MAF: variants seen among roughly 807,000 people sequenced by gnomAD.
MAF encodes the protein MAF bZIP transcription factor.
Under a neutral mutation model 22.0 loss-of-function variants are expected in MAF, and 10 were observed. The observed-to-expected ratio is 0.45, with a 90% CI of 0.28 to 0.77. MAF has a LOEUF of 0.77. MAF is among the 30% of genes least tolerant of loss of function. MAF has a pLI of 0.12. For synonymous variants in MAF, 337 were observed against 255.8 expected (o/e 1.32, Z -3.03); for missense variants, 544 against 548.4 (o/e 0.99, Z 0.08).
the MAF span, among the ~76,000 whole-genome samples, chr16:79,577,962 C>T: frequency 6.6e-6 from 1 of 152,028 alleles, no homozygotes; most frequent in Admixed American, 6.6e-5. Flanking sequence ...TGTTCAATAC[C>T]CTTGACATTG....
the MAF span, among the ~76,000 whole-genome samples, chr16:79,545,607 C>A: frequency 6.6e-6 from 1 of 151,318 alleles, no homozygotes; most frequent in Non-Finnish European, 1.5e-5. Flanking sequence ...CTGCAACCCC[C>A]ACCCCCCCAC....
the MAF span, among the ~76,000 whole-genome samples, chr16:79,344,533 G>A: frequency 6.6e-6 from 1 of 152,180 alleles, no homozygotes; most frequent in Non-Finnish European, 1.5e-5. Context: ...GATACTGCCT[G>A]AACTAAAGAT....
At chr16:79,306,711 C>T in the MAF span, among the ~76,000 whole-genome samples, 1 of 152,192 alleles carries the variant, frequency 6.6e-6, no homozygotes, top group African/African-American at 2.4e-5. Flanking sequence ...TCATCATCAT[C>T]ATCACTTTCG....
the MAF span, among the ~76,000 whole-genome samples, chr16:79,281,296 C>T: frequency 6.7e-6 from 1 of 149,714 alleles, no homozygotes; most frequent in Admixed American, 6.6e-5. Context: ...ATCCCAAAGT[C>T]TAGGGGGATG....
the MAF span, among the ~76,000 whole-genome samples, chr16:79,429,861 C>A: frequency 2.0e-5 from 3 of 152,180 alleles, no homozygotes; most frequent in Admixed American, 6.5e-5. Flanking sequence ...AGCCTAACCC[C>A]CCAGGAAAGG....
At chr16:79,411,995 C>A in the MAF span, among the ~76,000 whole-genome samples, 1 of 152,108 alleles carries the variant, frequency 6.6e-6, no homozygotes, top group Non-Finnish European at 1.5e-5. Context: ...ACCAGTACCA[C>A]GATAATGACT....
chr16:79,217,240 C>G, the MAF span, among the ~76,000 whole-genome samples: 1 of 152,234 alleles, frequency 6.6e-6, no homozygotes, highest in African/African-American at 2.4e-5. Flanking sequence ...TCCACAGTCT[C>G]ATAGCTGGTA....
chr16:79,560,790 A>G, the MAF span, among the ~76,000 whole-genome samples: 2 of 152,134 alleles, frequency 1.3e-5, no homozygotes, highest in African/African-American at 4.8e-5. Flanking sequence ...CGTTTTCATA[A>G]TCCCTAGGTC....
the MAF span, among the ~76,000 whole-genome samples, chr16:79,250,440 T>G: frequency 1.3e-5 from 2 of 152,236 alleles, no homozygotes; most frequent in Non-Finnish European, 2.9e-5. Context: ...TTTTGGCACT[T>G]GGCTCTTTAA....
chr16:79,260,843 A>G, the MAF span, among the ~76,000 whole-genome samples: 1 of 152,364 alleles, frequency 6.6e-6, no homozygotes, highest in South Asian at 2.1e-4. Flanking sequence ...TAAAAAAAAA[A>G]AAGTTGAGTT....
chr16:79,238,493 G>A, the MAF span, among the ~76,000 whole-genome samples: 1 of 151,970 alleles, frequency 6.6e-6, no homozygotes. Context: ...ATGTGACCTT[G>A]TGCCAAAACA....
chr16:79,439,766 T>C, the MAF span, among the ~76,000 whole-genome samples: 2 of 152,180 alleles, frequency 1.3e-5, no homozygotes, highest in African/African-American at 4.8e-5. Flanking sequence ...GAGGAAGTGC[T>C]GGAAGCACCA....
At chr16:79,566,528 C>T in the MAF span, among the ~76,000 whole-genome samples, 1 of 152,246 alleles carries the variant, frequency 6.6e-6, no homozygotes, top group Non-Finnish European at 1.5e-5. Context: ...AACCAACCAT[C>T]TCTGGAGGGT....
At chr16:79,236,270 T>C in the MAF span, among the ~76,000 whole-genome samples, 1 of 152,062 alleles carries the variant, frequency 6.6e-6, no homozygotes, top group Non-Finnish European at 1.5e-5. Context: ...TGGTTAATGT[T>C]GGTGTTTGGG....
chr16:79,222,917 G>C, the MAF span, among the ~76,000 whole-genome samples: 1 of 152,102 alleles, frequency 6.6e-6, no homozygotes, highest in Non-Finnish European at 1.5e-5. Context: ...CACAGTAATA[G>C]TGGGAGACTT....
the MAF span, among the ~76,000 whole-genome samples, chr16:79,318,904 G>C: frequency 6.6e-6 from 1 of 152,124 alleles, no homozygotes; most frequent in African/African-American, 2.4e-5. Context: ...CAGCATATCT[G>C]CTCACCTGAG....
chr16:79,217,590 A>T, the MAF span, among the ~76,000 whole-genome samples: 1 of 152,184 alleles, frequency 6.6e-6, no homozygotes, highest in Non-Finnish European at 1.5e-5. Flanking sequence ...TGGACTCAAC[A>T]TCCCGAGTTC....
chr16:79,324,068 G>T, the MAF span, among the ~76,000 whole-genome samples: 1 of 152,170 alleles, frequency 6.6e-6, no homozygotes, highest in Non-Finnish European at 1.5e-5. Context: ...TTACAACAGA[G>T]CATGCTCTCA....
the MAF span, among the ~76,000 whole-genome samples, chr16:79,445,675 G>C: frequency 6.6e-6 from 1 of 152,114 alleles, no homozygotes; most frequent in Non-Finnish European, 1.5e-5. Flanking sequence ...AAAGAGTACA[G>C]AATACGCTTT....
Sources: allele counts gnomAD v4.1 joint callset (sites outside exome capture counted in the v4.1 genomes callset), GRCh38; gene constraint gnomAD v4.1.1; transcripts MANE v1.5; gene names NCBI Gene and HGNC (gene_info 2026-07-23, HGNC 2026-07-21).